DOCK1: variants seen among roughly 807,000 people sequenced by gnomAD.
The protein encoded by DOCK1 is dedicator of cytokinesis protein 1.
A neutral mutation model predicts 262.7 loss-of-function variants in DOCK1; 138 were observed. The observed-to-expected ratio is 0.53, with a 90% CI of 0.46 to 0.61. The LOEUF (loss-of-function observed/expected upper bound fraction) is 0.61, where lower values mean the gene tolerates loss of function less well. DOCK1 is among the 20% of genes least tolerant of loss of function. The pLI, the probability that DOCK1 is intolerant of heterozygous loss-of-function variation, is 0.00. For synonymous variants in DOCK1, 866 were observed against 867.4 expected, an observed-to-expected ratio of 1.00 and a Z score of 0.03; for missense variants, 1,908 against 2,370.7, an observed-to-expected ratio of 0.80 and a Z score of 4.05.
At chr10:127,332,465 T>G (rs1321802734) in intron 29 of DOCK1, among the ~76,000 whole-genome samples, 1 of 151,840 alleles carries the variant, frequency 6.6e-6, no homozygotes, top group Non-Finnish European at 1.5e-5. Context: ...ACCCCAGAGG[T>G]CCCTTCCTCG....
At chr10:127,055,334 C>T (rs942503253) in intron 22 of DOCK1, among the ~76,000 whole-genome samples, 1 of 152,190 alleles carries the variant, frequency 6.6e-6, no homozygotes, top group Non-Finnish European at 1.5e-5. Flanking sequence ...CCCCTCCCAG[C>T]ATCAGCTCTG....
intron 3 of DOCK1, among the ~76,000 whole-genome samples, chr10:126,979,619 G>A (rs999225439): frequency 3.3e-5 from 5 of 152,050 alleles, no homozygotes; most frequent in African/African-American, 1.2e-4. Flanking sequence ...TGAAACCACA[G>A]TATTTCTGCA....
chr10:126,975,244 C>T (rs529574303), intron 2 of DOCK1, among the ~76,000 whole-genome samples: 5 of 152,284 alleles, frequency 3.3e-5, no homozygotes, highest in African/African-American at 4.8e-5. Flanking sequence ...CCTGCCTCCC[C>T]GGGTATGAGC....
At chr10:127,192,802 A>G (rs1430423792) in intron 27 of DOCK1, 1 of 152,240 alleles carries the variant, frequency 6.6e-6, no homozygotes, top group South Asian at 2.1e-4. Flanking sequence ...TGCTTAACAC[A>G]AGACATTGTC....
At chr10:127,423,885 T>C (rs544466587) in intron 46 of DOCK1, among the ~76,000 whole-genome samples, 10 of 152,256 alleles carry the variant, frequency 6.6e-5, no homozygotes, top group African/African-American at 1.9e-4. Context: ...ATTAGAGGTG[T>C]GACTTAGGGA....
chr10:127,249,361 A>G (rs1590115351), intron 28 of DOCK1, among the ~76,000 whole-genome samples: 2 of 151,398 alleles, frequency 1.3e-5, no homozygotes, highest in East Asian at 3.9e-4. Flanking sequence ...ATACTTATAT[A>G]TACATATATA....
intron 25 of DOCK1, among the ~76,000 whole-genome samples, chr10:127,123,164 G>A (rs914116621): frequency 6.6e-6 from 1 of 152,180 alleles, no homozygotes; most frequent in African/African-American, 2.4e-5. Context: ...TTCAGAAGAC[G>A]GCTTCTAAGC....
intron 27 of DOCK1, among the ~76,000 whole-genome samples, chr10:127,152,615 G>A (rs1183248): frequency 0.044 from 6,719 of 152,284 alleles, 195 homozygotes; most frequent in Non-Finnish European, 0.071. Flanking sequence ...TTGGTTGTGG[G>A]GGTTGCCCTG....
intron 1 of DOCK1, among the ~76,000 whole-genome samples, chr10:126,920,446 C>A (rs1364000570): frequency 2.0e-5 from 3 of 152,116 alleles, no homozygotes; most frequent in Non-Finnish European, 4.4e-5. Context: ...TTGTGGGACC[C>A]CAGTGGGGCT....
chr10:127,060,967 G>A (rs183770312), intron 22 of DOCK1, among the ~76,000 whole-genome samples: 6 of 152,322 alleles, frequency 3.9e-5, no homozygotes, highest in Non-Finnish European at 7.4e-5. Flanking sequence ...GGCGGCTCAC[G>A]CCTGTAATCC....
chr10:127,418,315 G>A, intron 44 of DOCK1, 50 bp from the exon 45 acceptor site: 1 of 1,542,938 alleles, frequency 6.5e-7, no homozygotes, highest in East Asian at 2.4e-5. Context: ...GAGACCCTGG[G>A]AGTGGAGGCA....
intron 38 of DOCK1, among the ~76,000 whole-genome samples, chr10:127,386,125 A>ATT (rs2066103972): frequency 1.3e-5 from 2 of 152,184 alleles, no homozygotes. Context: ...GACTCGACAG[A>ATT]GTCCCCGTGG....
At chr10:127,013,608 C>T (rs1316918363) in intron 12 of DOCK1, 1 of 152,236 alleles carries the variant, frequency 6.6e-6, no homozygotes, top group Non-Finnish European at 1.5e-5. Flanking sequence ...CTGCCAGGCT[C>T]ACTGGTGTGT....
intron 1 of DOCK1, among the ~76,000 whole-genome samples, chr10:126,907,950 A>G (rs542479372): frequency 7.2e-5 from 11 of 152,270 alleles, no homozygotes; most frequent in Non-Finnish European, 1.3e-4. Context: ...GGCGAAAAGT[A>G]TCTGGGATGG....
rs910582491 is a variant in DOCK1 at position 127,031,573 on chromosome 10, C to G, written c.1625-77C>G. 6 of 1,141,752 alleles carry G rather than the reference C, an allele frequency of 5.3e-6. No individual in the cohort carries two copies. The Admixed American group carries it at 1.1e-4, about 20-fold the overall frequency. The allele number at this position is 1,141,752 out of a possible 1,614,324, so 70.7% of individuals were successfully genotyped here. ...TTGTAATTGTTTTCATAAAGGTAGCCTTTGTAGCTTCTTATAATGTTATTT... is the reference window on the plus strand; with the variant it reads ...TTGTAATTGTTTTCATAAAGGTAGCGTTTGTAGCTTCTTATAATGTTATTT... On this transcript the variant is annotated intron_variant, in intron 16 of 51. Coordinates refer to ENST00000623213, the MANE Select transcript of DOCK1 (RefSeq NM_001290223.2).
chr10:127,327,711 A>T (rs1305230495), intron 29 of DOCK1, among the ~76,000 whole-genome samples: 5 of 152,210 alleles, frequency 3.3e-5, no homozygotes, highest in Admixed American at 3.3e-4. Context: ...TGCTTTCAAC[A>T]GTAGCTACCA....
chr10:126,936,540 C>A, intron 1 of DOCK1, among the ~76,000 whole-genome samples: 1 of 152,268 alleles, frequency 6.6e-6, no homozygotes, highest in East Asian at 1.9e-4. Flanking sequence ...AACATAAAAA[C>A]CATTCTTAGC....
intron 29 of DOCK1, among the ~76,000 whole-genome samples, chr10:127,275,842 GAA>G (rs1220554275): frequency 6.6e-6 from 1 of 152,200 alleles, no homozygotes; most frequent in Non-Finnish European, 1.5e-5. Flanking sequence ...TAATTAGTGA[GAA>G]GGGGTGCAGA....
At chr10:127,432,632 A>G (rs537254075) in intron 47 of DOCK1, among the ~76,000 whole-genome samples, 1 of 152,266 alleles carries the variant, frequency 6.6e-6, no homozygotes, top group African/African-American at 2.4e-5. Flanking sequence ...TTGCTTCTGT[A>G]ATATGTCAAG....
Sources: allele counts gnomAD v4.1 joint callset (sites outside exome capture counted in the v4.1 genomes callset), GRCh38; gene constraint gnomAD v4.1.1; transcripts MANE v1.5; gene names NCBI Gene and HGNC (gene_info 2026-07-23, HGNC 2026-07-21).